MORN1: variants seen among roughly 807,000 people sequenced by gnomAD.
The protein encoded by MORN1 is MORN repeat containing 1.
MORN1 carries 67 observed loss-of-function variants against 61.9 expected under a neutral mutation model. The ratio of observed to expected loss-of-function variants is 1.08; its 90% CI spans 0.89 to 1.33. MORN1 has a LOEUF of 1.33. MORN1 is among the 40% of genes most tolerant of loss of function. MORN1 has a pLI of 0.00. For missense variants in MORN1, 752 were observed against 691.2 expected (o/e 1.09, Z -0.99); for synonymous variants, 301 against 292.0 (o/e 1.03, Z -0.31).
At chr1:2,384,079 T>C (rs938361189) in intron 6 of MORN1, among the ~76,000 whole-genome samples, 20 of 152,220 alleles carry the variant, frequency 1.3e-4, no homozygotes, top group African/African-American at 4.8e-4. Context: ...TTTTTCCCAT[T>C]GGAGTGATGG....
intron 10 of MORN1, among the ~76,000 whole-genome samples, chr1:2,356,061 G>A (rs1641761162): frequency 6.6e-6 from 1 of 152,232 alleles, no homozygotes; most frequent in African/African-American, 2.4e-5. Context: ...CCCCAGTGCG[G>A]CAGCCAGGTC....
chr1:2,337,351 G>T lies in MORN1; in HGVS notation c.1037-501C>A, dbSNP rs1641303089. 6.6e-6 allele frequency among the ~76,000 whole-genome samples: 1 copy of T among 152,158 alleles called. No homozygotes were observed. The highest frequency in any genetic ancestry group is 2.1e-4 in the South Asian group (1 of 4,826). The stretch of plus-strand genomic sequence containing the variant: ...CTCCACAGGCGTGGAGGGAGACACC[G>T]AGGGTGGCTGCGAGTCCCTCCACGT... On this transcript the variant is annotated intron_variant, in intron 10 of 13. Coordinates refer to ENST00000378531, the MANE Select transcript of MORN1 (RefSeq NM_024848.3). This position sits in a 1 kb window ranked among gnomAD's most constrained non-coding sequence, Gnocchi z 5.7.
chr1:2,335,953 C>T lies in MORN1; in HGVS notation c.1250+516G>A, dbSNP rs145349167. ...TCCTCCTGGTAGAACCGGCCGGTTA[C>T]GGCCCTGCATGTGCTGTGCCCGTAG... On this transcript the variant is annotated intron_variant, in intron 12 of 13. Transcript: ENST00000378531. Among the ~76,000 whole-genome samples, 989 of 152,144 alleles carry T rather than the reference C, an allele frequency of 6.5e-3. 10 individuals carry two copies. The highest frequency in any genetic ancestry group is 0.012 in the Non-Finnish European group (805 of 68,026).
At chr1:2,384,299 C>T (rs1642437778) in intron 6 of MORN1, among the ~76,000 whole-genome samples, 1 of 152,190 alleles carries the variant, frequency 6.6e-6, no homozygotes, top group Non-Finnish European at 1.5e-5. Flanking sequence ...AGTCTGGTGT[C>T]CTCTCCTCCA....
At chr1:2,390,534 C>T in intron 1 of MORN1, 1 of 985,378 alleles carries the variant, frequency 1.0e-6, no homozygotes, top group Non-Finnish European at 1.2e-6. Context: ...TCCTGCAGTT[C>T]CAGGAATGGG....
intron 8 of MORN1, among the ~76,000 whole-genome samples, chr1:2,370,850 A>G (rs1185125181): frequency 1.3e-5 from 2 of 151,856 alleles, no homozygotes; most frequent in African/African-American, 4.8e-5. Flanking sequence ...AGCTAATTAA[A>G]AACAATTTTG....
rs145309392 is a variant in MORN1 at position 2,385,873 on chromosome 1, T to A, written c.383A>T (p.Asp128Val). 9.3e-6 allele frequency: 15 copies of A among 1,613,924 alleles called. No individual in the cohort carries two copies. The African/African-American group carries it at 1.5e-4, about 16-fold the overall frequency. Reference protein sequence around the residue: ...REGHGFLVDRDGQVYQGSFHD... With the variant: ...REGHGFLVDRVGQVYQGSFHD... The stretch of plus-strand genomic sequence containing the variant: ...GAAGGAGCCCTGGTACACTTGTCCA[T>A]CCCGGTCCACCAGAAACCCGTGTCC... Residue 128 changes from aspartate to valine, a missense_variant, in exon 5 of 14, where the codon GAT (aspartate) becomes GTT (valine). Coordinates refer to ENST00000378531, the MANE Select transcript of MORN1 (RefSeq NM_024848.3).
chr1:2,340,449 T>C (rs904577098), intron 10 of MORN1, among the ~76,000 whole-genome samples: 4 of 152,138 alleles, frequency 2.6e-5, no homozygotes, highest in African/African-American at 9.7e-5. Context: ...CCTCGCTCCA[T>C]GACACCCCTC....
At position 2,357,452 on chromosome 1, in the gene MORN1, T is replaced by G; in HGVS notation, c.1016A>C (p.Asp339Ala). 6.2e-7 allele frequency: 1 copy of G among 1,608,662 alleles called. No individual in the cohort carries two copies. Among genetic ancestry groups the G allele is most frequent in the Non-Finnish European group, 8.5e-7 (1 of 1,177,616 alleles). ...LHLGALHGQE[D>A]TPGGLLARGH... ...CTTACCAAGCAGGCCACCAGGGGTG[T>G]CCTCCTGGCCATGGAGGGCACCCAA... The change falls in exon 10 of 14, where the codon GAC becomes GCC. Residue 339 changes from aspartate to alanine, a missense_variant. Asp to Ala is a moderately radical substitution (Grantham distance 126). Coordinates refer to ENST00000378531, the MANE Select transcript of MORN1 (RefSeq NM_024848.3). The surrounding 1 kb of genome is among the most constrained non-coding windows in gnomAD (Gnocchi z 6.3).
At chr1:2,368,671 A>C (rs185937363) in intron 8 of MORN1, among the ~76,000 whole-genome samples, 1 of 152,314 alleles carries the variant, frequency 6.6e-6, no homozygotes, top group Admixed American at 6.5e-5. Context: ...GGCCCATAGC[A>C]CACAAAAAGA....
Position 2,321,423 on chromosome 1 carries a change from G to A in MORN1, c.1454C>T (p.Ala485Val). ...EGPEASSSWQAAHSCTPEPPA... is the reference protein window; with the variant it reads ...EGPEASSSWQVAHSCTPEPPA... ...CGGCTCTGGGGTGCAGCTGTGGGCG[G>A]CCTGCCAGCTGCTTGAGGCTTCAGG... is the stretch of plus-strand genomic sequence containing the variant. Residue 485 changes from alanine to valine, a missense_variant, in exon 14 of 14, where the codon GCC becomes GTC. Transcript: ENST00000378531. 6.5e-7 allele frequency: 1 copy of A among 1,539,906 alleles called. No homozygotes were observed. Among genetic ancestry groups the A allele is most frequent in the Non-Finnish European group, 8.8e-7 (1 of 1,142,128 alleles).
intron 7 of MORN1, among the ~76,000 whole-genome samples, chr1:2,374,123 G>T (rs1642182663): frequency 6.6e-6 from 1 of 152,168 alleles, no homozygotes; most frequent in African/African-American, 2.4e-5. Context: ...GGCCCAACTG[G>T]CTGGTCCTTC....
chr1:2,357,248 C>T lies in MORN1; in HGVS notation c.1036+184G>A, dbSNP rs1395331634. Among the ~76,000 whole-genome samples, 2 of 152,202 alleles carry T rather than the reference C, an allele frequency of 1.3e-5. No homozygotes were observed. Among genetic ancestry groups the T allele is most frequent in the Non-Finnish European group, 2.9e-5 (2 of 68,024 alleles). Reference sequence around the variant, plus strand: ...ATCGGCTTGAGCCTCCGCAGCCACCCGTGACTGCTTGTCTGGGGATGTGGG... The same window carrying T: ...ATCGGCTTGAGCCTCCGCAGCCACCTGTGACTGCTTGTCTGGGGATGTGGG... On this transcript the variant is annotated intron_variant, in intron 10 of 13. Transcript: ENST00000378531. The surrounding 1 kb of genome is among the most constrained non-coding windows in gnomAD (Gnocchi z 6.3).
chr1:2,351,370 C>A, intron 10 of MORN1: 1 of 156,850 alleles, frequency 6.4e-6, no homozygotes, highest in Non-Finnish European at 1.4e-5. Context: ...TGCGAGGGTC[C>A]CTGGGCTCCT....
At position 2,390,003 on chromosome 1, in the gene MORN1, A is replaced by T. The variant is rs760427451; in HGVS notation, c.77-7T>A. 6 of 1,611,200 alleles carry T rather than the reference A, an allele frequency of 3.7e-6. No individual in the cohort carries two copies. Among genetic ancestry groups the T allele is most frequent in the Non-Finnish European group, 5.1e-6 (6 of 1,177,368 alleles). On this transcript the variant is annotated splice_region_variant and splice_polypyrimidine_tract_variant and intron_variant, in intron 1 of 13. Transcript: ENST00000378531. ...TATACGTAGACACCATAACCTGAGT[A>T]TTGAGAAGACACACACAGGTAAGCA...
chr1:2,333,807 T>C (rs762155315), intron 12 of MORN1, among the ~76,000 whole-genome samples: 2 of 152,294 alleles, frequency 1.3e-5, no homozygotes, highest in South Asian at 4.1e-4. Flanking sequence ...CTGGAACCAC[T>C]CGGCCACGAC....
chr1:2,323,226 G>A, intron 13 of MORN1: 3 of 985,344 alleles, frequency 3.0e-6, no homozygotes, highest in Non-Finnish European at 3.6e-6. Flanking sequence ...CCGTCACCAA[G>A]GCCTCACTGG....
intron 3 of MORN1, 105 bp downstream of exon 3, chr1:2,388,134 G>T: frequency 1.1e-6 from 1 of 892,658 alleles, no homozygotes; most frequent in Non-Finnish European, 1.8e-6. Context: ...ACGGCACAAA[G>T]CTTCCCGTCT....
chr1:2,355,964 G>C lies in MORN1; in HGVS notation c.1036+1468C>G, dbSNP rs183456582. Reference sequence around the variant, plus strand: ...TTAAGGGACAGGAAAGGGGGGTCCAGGCCAAGGCTCACCGGACTCCGGCTT... The same window carrying C: ...TTAAGGGACAGGAAAGGGGGGTCCACGCCAAGGCTCACCGGACTCCGGCTT... On this transcript the variant is annotated intron_variant, in intron 10 of 13. Coordinates refer to ENST00000378531, the MANE Select transcript of MORN1 (RefSeq NM_024848.3). Among the ~76,000 whole-genome samples, 975 of 152,340 alleles carry C rather than the reference G, an allele frequency of 6.4e-3. 10 individuals carry two copies. The highest frequency in any genetic ancestry group is 9.9e-3 in the South Asian group (48 of 4,826).
Sources: gnomAD v4.1 joint callset for allele counts (sites outside exome capture counted in the v4.1 genomes callset) on GRCh38, gnomAD v4.1.1 for gene constraint, Gnocchi (gnomAD v3.1) non-coding constraint, MANE v1.5 for transcripts, NCBI Gene and HGNC (gene_info 2026-07-23, HGNC 2026-07-21) for gene names.